The following SYTL2 variants were observed in gnomAD, a reference collection of about 807,000 sequenced individuals.
The protein encoded by SYTL2 is synaptotagmin-like protein 2.
A neutral mutation model predicts 198.7 loss-of-function variants in SYTL2; 165 were observed. That is an observed-to-expected ratio of 0.83 (90% confidence interval 0.73 to 0.94). The LOEUF (loss-of-function observed/expected upper bound fraction) is 0.94. Ranked by LOEUF, SYTL2 falls within the 40% of genes least tolerant of loss-of-function variation. The pLI is 0.00. For synonymous variants in SYTL2, 966 were observed against 917.7 expected (o/e 1.05, Z -0.95); for missense variants, 2,835 against 2,582.8 (o/e 1.10, Z -2.12).
At chr11:85,823,832 G>A in the SYTL2 span, among the ~76,000 whole-genome samples, 3 of 152,208 alleles carry the variant, frequency 2.0e-5, no homozygotes, top group Non-Finnish European at 4.4e-5. Flanking sequence ...ACACTCAAAA[G>A]TTTTCAAGAT....
chr11:85,725,164 T>C lies in SYTL2; in HGVS notation c.4194A>G (p.Pro1398=), dbSNP rs1591750696. Residue 1398 remains proline, a synonymous_variant, in exon 8 of 20, where the codon CCA becomes CCG. Transcript: ENST00000359152. ...CTGGCTGTACTGCTTCAGGAAATTC[T>C]GGGTTCACTTCTCCAGGACCTACTT... ...GREVGPGEVN[P]EFPEAVQPVC... is the part of the protein sequence containing the mutation. 1 of 1,614,134 alleles carries C rather than the reference T, an allele frequency of 6.2e-7. No homozygotes were observed.
intron 1 of SYTL2, among the ~76,000 whole-genome samples, chr11:85,773,760 T>C (rs1334645996): frequency 6.6e-6 from 1 of 152,188 alleles, no homozygotes; most frequent in Non-Finnish European, 1.5e-5. Context: ...AAATGTTTTC[T>C]CTATTCAAAA....
At chr11:85,843,286 C>T in the SYTL2 span, among the ~76,000 whole-genome samples, 5 of 151,994 alleles carry the variant, frequency 3.3e-5, no homozygotes, top group African/African-American at 9.7e-5. Flanking sequence ...AAGAATTACT[C>T]GAACCTGGGA....
intron 9 of SYTL2, among the ~76,000 whole-genome samples, chr11:85,719,867 T>C (rs2153452201): frequency 6.6e-6 from 1 of 152,316 alleles, no homozygotes; most frequent in East Asian, 1.9e-4. Flanking sequence ...TTATTCTTAA[T>C]TGCAAATGCA....
At position 85,720,841 on chromosome 11, in the gene SYTL2, G is replaced by A. The variant is rs1245376956; in HGVS notation, c.5428+17C>T. On this transcript the variant is annotated intron_variant, in intron 9 of 19. Coordinates refer to ENST00000359152, the MANE Select transcript of SYTL2 (RefSeq NM_206927.4). ...GCTTAGATGGGGCATGAACAGTGAG[G>A]CGAACTTTATTCTCACTTGATGAAT... 6.3e-7 allele frequency: 1 copy of A among 1,576,036 alleles called. No individual in the cohort carries two copies. Among genetic ancestry groups the A allele is most frequent in the African/African-American group, 1.3e-5 (1 of 74,276 alleles).
Position 85,727,066 on chromosome 11 carries a change from A to C in SYTL2, c.2292T>G (p.Pro764=). Residue 764 remains proline (P), a synonymous_variant, in exon 8 of 20, where the codon CCT becomes CCG. Transcript: ENST00000359152. The stretch of plus-strand genomic sequence containing the variant: ...GGAATTGGACCTCAGGCTTCTTCCA[A>C]GGAGAGCCATTGTTGGCAACCCCAG... ...STPGVANNGS[P]WKKPEVQFQQ... is the part of the protein sequence containing the mutation. 6.5e-7 allele frequency: 1 copy of C among 1,536,202 alleles called. No homozygotes were observed. Among genetic ancestry groups the C allele is most frequent in the Non-Finnish European group, 8.7e-7 (1 of 1,146,896 alleles).
chr11:85,819,250 A>C, the SYTL2 span, among the ~76,000 whole-genome samples: 1 of 152,240 alleles, frequency 6.6e-6, no homozygotes, highest in Admixed American at 6.5e-5. Context: ...CATCTTTAAA[A>C]GACAAATGGA....
At chr11:85,731,264 T>A (rs1225443529) in intron 7 of SYTL2, among the ~76,000 whole-genome samples, 5 of 150,086 alleles carry the variant, frequency 3.3e-5, no homozygotes, top group Admixed American at 6.6e-5. Context: ...AAAAAAGAGG[T>A]TGCATAGCCA....
chr11:85,747,670 T>A (rs1006031458), intron 3 of SYTL2, among the ~76,000 whole-genome samples: 3 of 152,198 alleles, frequency 2.0e-5, no homozygotes, highest in Non-Finnish European at 4.4e-5. Flanking sequence ...CTCTTGAATA[T>A]ATCACTGTGG....
In SYTL2 at chr11:85,710,451, A is replaced by G. The variant is rs944280429; in HGVS notation, c.5745+662T>C. ...AGCACAGTTTTATCATTTCTTCAGC[A>G]TACTTGGGTGAATATATGTATGTGT... On this transcript the variant is annotated intron_variant, in intron 13 of 19. Transcript: ENST00000359152. Among the ~76,000 whole-genome samples the G allele has an allele frequency of 5.3e-5, 8 of 152,366 alleles. No individual in the cohort carries two copies. The East Asian group carries it at 9.6e-4, about 18-fold the overall frequency.
chr11:85,777,097 A>G (rs1322125280), intron 1 of SYTL2, among the ~76,000 whole-genome samples: 1 of 152,232 alleles, frequency 6.6e-6, no homozygotes, highest in Non-Finnish European at 1.5e-5. Flanking sequence ...ACAAAAGGAC[A>G]TCTATTTTCC....
chr11:85,780,846 T>C (rs1038014773), intron 1 of SYTL2, among the ~76,000 whole-genome samples: 1 of 152,248 alleles, frequency 6.6e-6, no homozygotes, highest in African/African-American at 2.4e-5. Flanking sequence ...GATTGGCATC[T>C]GAATTAGGGA....
the SYTL2 span, among the ~76,000 whole-genome samples, chr11:85,823,899 G>C: frequency 1.3e-5 from 2 of 152,214 alleles, no homozygotes; most frequent in African/African-American, 4.8e-5. Flanking sequence ...GGATGCTGTG[G>C]TTAGTCAGGT....
chr11:85,718,960 G>C (rs1349046650), intron 9 of SYTL2, 117 bp from the exon 10 acceptor site: 10 of 1,543,090 alleles, frequency 6.5e-6, no homozygotes, highest in Non-Finnish European at 8.7e-6. Flanking sequence ...TGCAATGAGG[G>C]GTGCAACCAA....
At chr11:85,853,644 CAAGAATG>C in the SYTL2 span, 1 of 138,350 alleles carries the variant, frequency 7.2e-6, no homozygotes, top group Non-Finnish European at 1.5e-5. Flanking sequence ...GAGAAACACC[CAAGAATG>C]ATCAATAAAA....
intron 1 of SYTL2, among the ~76,000 whole-genome samples, chr11:85,793,861 T>G (rs1403862034): frequency 6.6e-6 from 1 of 152,174 alleles, no homozygotes; most frequent in African/African-American, 2.4e-5. Flanking sequence ...ATATCTTCCC[T>G]CATACAGATA....
chr11:85,811,331 C>G (rs2093031126), upstream of SYTL2, among the ~76,000 whole-genome samples: 1 of 152,114 alleles, frequency 6.6e-6, no homozygotes, highest in African/African-American at 2.4e-5. Flanking sequence ...TCCCTTCGCC[C>G]TCCGCCCCCG....
intron 6 of SYTL2, among the ~76,000 whole-genome samples, chr11:85,735,911 T>G (rs1243688979): frequency 6.6e-6 from 1 of 152,246 alleles, no homozygotes; most frequent in Non-Finnish European, 1.5e-5. Context: ...GTTTTTTAAT[T>G]TTCTACCCCT....
Position 85,725,405 on chromosome 11 carries a change from T to A in SYTL2, c.3953A>T (p.Lys1318Met). The change falls in exon 8 of 20, where the codon AAG becomes ATG. Residue 1318 changes from lysine to methionine, a missense_variant. Transcript: ENST00000359152. ...PLDPTSQLSR[K>M]GSFGDVASPP... ...GCTGGCCACATCCCCAAAAGAACCC[T>A]TTCTGGAAAGCTGGGAAGTTGGATC... 6.2e-7 allele frequency: 1 copy of A among 1,614,030 alleles called. No individual in the cohort carries two copies. Among genetic ancestry groups the A allele is most frequent in the East Asian group, 2.2e-5 (1 of 44,872 alleles).
Sources: allele counts gnomAD v4.1 joint callset (sites outside exome capture counted in the v4.1 genomes callset), GRCh38; gene constraint gnomAD v4.1.1; transcripts MANE v1.5; gene names NCBI Gene and HGNC (gene_info 2026-07-23, HGNC 2026-07-21).